RAB3IP: variants seen among roughly 807,000 people sequenced by gnomAD.
The protein encoded by RAB3IP is rab-3A-interacting protein.
RAB3IP carries 36 observed loss-of-function variants against 59.1 expected under a neutral mutation model. The observed-to-expected ratio is 0.61, with a 90% CI of 0.47 to 0.80. The LOEUF is 0.80. RAB3IP is among the 30% of genes least tolerant of loss of function. RAB3IP has a pLI of 0.00. For synonymous variants in RAB3IP, 207 were observed against 191.2 expected (o/e 1.08, Z -0.68); for missense variants, 511 against 536.0 (o/e 0.95, Z 0.46).
At chr12:69,759,029 G>T (rs561808593) in intron 3 of RAB3IP, among the ~76,000 whole-genome samples, 1 of 149,664 alleles carries the variant, frequency 6.7e-6, no homozygotes, top group Non-Finnish European at 1.5e-5. Context: ...GGTGTTTCTC[G>T]CAGAGGGGGA....
intron 3 of RAB3IP, among the ~76,000 whole-genome samples, chr12:69,765,879 T>A (rs1872121901): frequency 6.6e-6 from 1 of 152,218 alleles, no homozygotes; most frequent in Admixed American, 6.5e-5. Context: ...TGGAAAATAT[T>A]TTATTTCTCC....
intron 8 of RAB3IP, among the ~76,000 whole-genome samples, chr12:69,811,147 C>T (rs1880390673): frequency 6.6e-6 from 1 of 152,290 alleles, no homozygotes; most frequent in African/African-American, 2.4e-5. Context: ...AAACCACATG[C>T]TGCCTGTTCT....
At position 69,795,350 on chromosome 12, in the gene RAB3IP, TCATCAA is replaced by T. The variant is rs1325162237; in HGVS notation, c.888+7_888+12del. ...TTGTAAAAGACTGCAAAGAGGTAACTCATCAAGGACTGTCCCCTCTGACTCTGTTGA... is the reference window on the plus strand; with the variant it reads ...TTGTAAAAGACTGCAAAGAGGTAACTGGACTGTCCCCTCTGACTCTGTTGA... On this transcript the variant is annotated splice_region_variant and intron_variant, in intron 6 of 10. Transcript: ENST00000247833. The T allele has an allele frequency of 6.2e-7, 1 of 1,605,604 alleles. No individual in the cohort carries two copies. Among genetic ancestry groups the T allele is most frequent in the Non-Finnish European group, 8.5e-7 (1 of 1,172,606 alleles).
chr12:69,745,310 C>T (rs1440561929), intron 1 of RAB3IP, among the ~76,000 whole-genome samples: 4 of 151,808 alleles, frequency 2.6e-5, no homozygotes, highest in South Asian at 4.2e-4. Flanking sequence ...TTTATTATTA[C>T]AAATTTTCAA....
intron 3 of RAB3IP, among the ~76,000 whole-genome samples, chr12:69,767,429 G>A (rs1456800820): frequency 6.6e-6 from 1 of 152,226 alleles, no homozygotes; most frequent in Non-Finnish European, 1.5e-5. Context: ...CCAGGGGGAT[G>A]GGGCCATGAT....
chr12:69,812,841 CAACTATTATTATATTTCTCCT>C lies in RAB3IP; in HGVS notation c.1195_1215del (p.Asn399_Pro405del). ...ACAGAATTAAATTAGGGGACTCAAG[CAACTATTATTATATTTCTCCT>C]TTTTGCAGATACAGGGTAAGTGACT... On this transcript the variant is annotated inframe_deletion, in exon 9 of 11. Coordinates refer to ENST00000247833, the MANE Select transcript of RAB3IP (RefSeq NM_022456.5). 6.2e-7 allele frequency: 1 copy of C among 1,612,792 alleles called. No homozygotes were observed. The highest frequency in any genetic ancestry group is 8.5e-7 in the Non-Finnish European group (1 of 1,178,820).
chr12:69,762,736 A>G (rs4486671), intron 3 of RAB3IP, among the ~76,000 whole-genome samples: 138,971 of 140,146 alleles, frequency 0.99, 68,917 homozygotes, highest in Middle Eastern at 1. Flanking sequence ...CAGCCTAGGC[A>G]ACAGAGGGAG....
intron 3 of RAB3IP, among the ~76,000 whole-genome samples, chr12:69,757,974 G>A (rs1049025636): frequency 6.6e-6 from 1 of 152,134 alleles, no homozygotes; most frequent in Non-Finnish European, 1.5e-5. Flanking sequence ...GATACTGTTT[G>A]GATAATTGAA....
At chr12:69,797,901 A>G (rs1221573823) in intron 6 of RAB3IP, among the ~76,000 whole-genome samples, 3 of 151,944 alleles carry the variant, frequency 2.0e-5, no homozygotes, top group Non-Finnish European at 4.4e-5. Flanking sequence ...TATGTGCCAC[A>G]TTTTCTTAAT....
At chr12:69,796,740 A>G in intron 6 of RAB3IP, 1 of 490,580 alleles carries the variant, frequency 2.0e-6, no homozygotes, top group South Asian at 3.4e-5. Context: ...TCTTTGTCCT[A>G]ACTTTAATTC....
At chr12:69,745,149 A>G (rs1158258216) in intron 1 of RAB3IP, among the ~76,000 whole-genome samples, 3 of 152,050 alleles carry the variant, frequency 2.0e-5, no homozygotes, top group Non-Finnish European at 2.9e-5. Context: ...CACTTCTCCC[A>G]CTTCTATATT....
At chr12:69,784,680 A>C in intron 3 of RAB3IP, 40 bp from the exon 4 acceptor site, 2 of 1,220,384 alleles carry the variant, frequency 1.6e-6, no homozygotes, top group Non-Finnish European at 2.4e-6. Context: ...TCTAACTTCA[A>C]ACTATGGAGA....
chr12:69,763,273 G>T (rs1871653951), intron 3 of RAB3IP, among the ~76,000 whole-genome samples: 1 of 152,224 alleles, frequency 6.6e-6, no homozygotes, highest in South Asian at 2.1e-4. Flanking sequence ...GAACATTGTT[G>T]TGGTGGAGAA....
Position 69,756,582 on chromosome 12 carries a change from T to C in RAB3IP, c.429T>C (p.Ser143=), listed in dbSNP as rs371039241. Residue 143 remains serine (S), a synonymous_variant, in exon 3 of 11, where the codon TCT becomes TCC. Transcript: ENST00000247833. ...TTGGGTTGAGTACTGATAGTCTGTC[T>C]CGTTTACGAAGCCCATCTGTTTTGG... ...DIFGLSTDSL[S]RLRSPSVLEV... 9.8e-5 allele frequency: 158 copies of C among 1,614,042 alleles called. No homozygotes were observed. Among genetic ancestry groups the C allele is most frequent in the Non-Finnish European group, 1.2e-4 (144 of 1,179,996 alleles).
intron 1 of RAB3IP, among the ~76,000 whole-genome samples, chr12:69,752,418 A>C (rs999148233): frequency 3.3e-5 from 5 of 151,982 alleles, no homozygotes; most frequent in East Asian, 3.9e-4. Context: ...TATATCTTCG[A>C]TGTCACTTCA....
intron 5 of RAB3IP, 67 bp from the exon 6 acceptor site, chr12:69,795,074 C>A: frequency 8.7e-7 from 1 of 1,143,724 alleles, no homozygotes; most frequent in Non-Finnish European, 1.3e-6. Context: ...GACCAGATTG[C>A]TAATATTTAG....
intron 4 of RAB3IP, among the ~76,000 whole-genome samples, chr12:69,789,250 C>T (rs751938726): frequency 6.6e-6 from 1 of 151,314 alleles, no homozygotes; most frequent in African/African-American, 2.4e-5. Flanking sequence ...AAAATAAAAA[C>T]CCTTAGCTAG....
At chr12:69,807,724 C>T (rs11177868) in intron 8 of RAB3IP, among the ~76,000 whole-genome samples, 15,732 of 143,566 alleles carry the variant, frequency 0.11, 1,133 homozygotes, top group Middle Eastern at 0.17. Context: ...CTAGATGGGG[C>T]GGCCGGGCAG....
rs1006653610 is a variant in RAB3IP, at chr12:69,817,455, A to C, written c.*2009A>C. ...TAAACTGGAAGCAGGAAAAAAAAAA[A>C]CCATAAAAGATAACCATAAAAGAAT... On this transcript the variant is annotated 3_prime_UTR_variant, in exon 11 of 11. Coordinates refer to ENST00000247833, the MANE Select transcript of RAB3IP (RefSeq NM_022456.5). The C allele has an allele frequency of 6.6e-6, 1 of 151,766 alleles. No homozygotes were observed. Among genetic ancestry groups the C allele is most frequent in the Non-Finnish European group, 1.5e-5 (1 of 67,934 alleles). The allele number at this position is 151,766 out of a possible 1,614,324, so 9.4% of individuals were successfully genotyped here.
Sources: allele counts gnomAD v4.1 joint callset (sites outside exome capture counted in the v4.1 genomes callset), GRCh38; gene constraint gnomAD v4.1.1; transcripts MANE v1.5; gene names NCBI Gene and HGNC (gene_info 2026-07-23, HGNC 2026-07-21).